LIPJ: variants seen among roughly 807,000 people sequenced by gnomAD.
The protein encoded by LIPJ is lipase member J.
LIPJ carries 33 observed loss-of-function variants against 39.8 expected under a neutral mutation model. The observed-to-expected ratio is 0.83, with a 90% CI of 0.63 to 1.11. The LOEUF (loss-of-function observed/expected upper bound fraction) is 1.11. Among genes scored for constraint, LIPJ ranks in the 50% least tolerant of loss-of-function variants. The pLI is 0.00. For synonymous variants in LIPJ, 128 were observed against 139.2 expected, an observed-to-expected ratio of 0.92 and a Z score of 0.57; for missense variants, 422 against 427.9, an observed-to-expected ratio of 0.99 and a Z score of 0.12.
the LIPJ span, among the ~76,000 whole-genome samples, chr10:88,616,402 A>G: frequency 6.6e-6 from 1 of 152,194 alleles, no homozygotes; most frequent in African/African-American, 2.4e-5. Flanking sequence ...GCCGACTGGA[A>G]TCTGAGCTCA....
Position 88,596,461 on chromosome 10 carries a change from A to C in LIPJ, c.576+45A>C, listed in dbSNP as rs773613580. On this transcript the variant is annotated intron_variant, in intron 7 of 10. Transcript: ENST00000371939. The stretch of plus-strand genomic sequence containing the variant: ...TATGTCATTGATAACCCAAAGTGAT[A>C]ATTTTATGCTTTCAAATAAGAGATC... 4.9e-6 allele frequency: 7 copies of C among 1,430,980 alleles called. No individual in the cohort carries two copies. In the African/African-American group the frequency reaches 1.0e-4, roughly 21 times the overall value. 88.6% of individuals were successfully genotyped at this position (1,430,980 alleles called of 1,614,324 possible). A position where few individuals can be genotyped will look rare whatever the true frequency, so the allele number is the denominator to read the frequency against.
At chr10:88,588,557 C>A (rs1376333826) in intron 2 of LIPJ, among the ~76,000 whole-genome samples, 1 of 151,780 alleles carries the variant, frequency 6.6e-6, no homozygotes, top group African/African-American at 2.4e-5. Flanking sequence ...TGAGCTTTTC[C>A]ATTCAGCATG....
At chr10:88,584,630 T>G (rs957820564), upstream of LIPJ, 1 of 152,220 alleles carries the variant, frequency 6.6e-6, no homozygotes, top group Non-Finnish European at 1.5e-5. Context: ...AGACAGGGTC[T>G]TGTGTCACTC....
At chr10:88,607,400 T>C (rs1393534568), downstream of LIPJ, among the ~76,000 whole-genome samples, 8 of 152,158 alleles carry the variant, frequency 5.3e-5, no homozygotes. Flanking sequence ...CTTGTGATTA[T>C]TTCAGGCAAA....
chr10:88,603,316 T>G (rs181966622), intron 9 of LIPJ, among the ~76,000 whole-genome samples: 1 of 152,166 alleles, frequency 6.6e-6, no homozygotes, highest in South Asian at 2.1e-4. Flanking sequence ...ATGCCTACTC[T>G]GAAACGCTTT....
chr10:88,587,356 CAT>C lies in LIPJ; in HGVS notation c.-135_-134del, dbSNP rs1850942468. The C allele has an allele frequency of 6.6e-6, 1 of 152,034 alleles. No homozygotes were observed. Among genetic ancestry groups the C allele is most frequent in the Non-Finnish European group, 1.5e-5 (1 of 67,950 alleles). The allele number at this position is 152,034 out of a possible 1,614,324, so 9.4% of individuals were successfully genotyped here. ...TATATGACTGACTACTTTGAAGACA[CAT>C]ATATTGGACACTTAAAATCAACAAA... is the stretch of plus-strand genomic sequence containing the variant. On this transcript the variant is annotated 5_prime_UTR_variant, in exon 2 of 11. The change abolishes the stop of an existing upstream ORF in the 5' untranslated region. Transcript: ENST00000371939.
intron 8 of LIPJ, among the ~76,000 whole-genome samples, chr10:88,598,964 T>A (rs1033595277): frequency 1.8e-4 from 26 of 145,628 alleles, no homozygotes; most frequent in African/African-American, 5.2e-4. Flanking sequence ...AATAATATAA[T>A]ATATTATATT....
intron 8 of LIPJ, among the ~76,000 whole-genome samples, chr10:88,599,005 T>C (rs1325814830): frequency 6.9e-6 from 1 of 144,062 alleles, no homozygotes; most frequent in Non-Finnish European, 1.5e-5. Context: ...TATATTATAT[T>C]ATAATAATAT....
downstream of LIPJ, chr10:88,607,054 G>A: frequency 3.9e-6 from 3 of 773,680 alleles, no homozygotes; most frequent in Non-Finnish European, 5.4e-6. Context: ...AGGCCCTCCA[G>A]TCATTAAATC....
At chr10:88,622,315 G>A in the LIPJ span, among the ~76,000 whole-genome samples, 38 of 152,050 alleles carry the variant, frequency 2.5e-4, no homozygotes, top group African/African-American at 8.4e-4. Flanking sequence ...AGATTTTACC[G>A]TGAGCACTCC....
At chr10:88,588,958 CCT>C (rs1850998551) in intron 2 of LIPJ, among the ~76,000 whole-genome samples, 1 of 151,676 alleles carries the variant, frequency 6.6e-6, no homozygotes, top group South Asian at 2.1e-4. Flanking sequence ...AAGGCTTATC[CCT>C]CTGTGTTTTC....
rs770215488 is a variant in LIPJ, at chr10:88,596,264, T to A, written c.440-16T>A. On this transcript the variant is annotated splice_polypyrimidine_tract_variant and intron_variant, in intron 6 of 10. Coordinates refer to ENST00000371939, the Ensembl canonical transcript of LIPJ. Reference sequence around the variant, plus strand: ...CTTAAGAATAGCTTACTAATTTATATCTTATTTTATTTTAGGTTTCATAAC... The same window carrying A: ...CTTAAGAATAGCTTACTAATTTATAACTTATTTTATTTTAGGTTTCATAAC... 110 of 1,309,832 alleles carry A rather than the reference T, an allele frequency of 8.4e-5. No individual in the cohort carries two copies. Among genetic ancestry groups the A allele is most frequent in the Admixed American group, 3.0e-4 (10 of 33,560 alleles). 81.1% of individuals were successfully genotyped at this position (1,309,832 alleles called of 1,614,324 possible). A position where few individuals can be genotyped will look rare whatever the true frequency, so the allele number is the denominator to read the frequency against.
chr10:88,608,662 G>A (rs1851714618), downstream of LIPJ, among the ~76,000 whole-genome samples: 1 of 152,212 alleles, frequency 6.6e-6, no homozygotes, highest in Non-Finnish European at 1.5e-5. Flanking sequence ...CAAAACAGGA[G>A]TTGAAAGGCA....
chr10:88,602,600 C>T, exon 9 of LIPJ: 2 of 991,572 alleles, frequency 2.0e-6, no homozygotes, highest in South Asian at 2.6e-5. Flanking sequence ...GTATTTTTCA[C>T]ACAACCCAGC....
At chr10:88,606,336 T>C (rs532459224) in intron 10 of LIPJ, among the ~76,000 whole-genome samples, 3 of 152,316 alleles carry the variant, frequency 2.0e-5, no homozygotes, top group East Asian at 3.9e-4. Flanking sequence ...TTATAATTTA[T>C]TGACAAACAT....
intron 2 of LIPJ, among the ~76,000 whole-genome samples, chr10:88,588,563 G>A (rs2134537760): frequency 6.6e-6 from 1 of 151,938 alleles, no homozygotes; most frequent in South Asian, 2.1e-4. Flanking sequence ...TTTCCATTCA[G>A]CATGATATGG....
chr10:88,599,688 TAC>T lies in LIPJ; in HGVS notation c.723+2774_723+2775del, dbSNP rs113053586. ...ATACATTTATATATACATACATATATACACACACACACACACACACACATATA... is the reference window on the plus strand; with the variant it reads ...ATACATTTATATATACATACATATATACACACACACACACACACACATATA... On this transcript the variant is annotated intron_variant, in intron 8 of 10. Transcript: ENST00000371939. Among the ~76,000 whole-genome samples the T allele has an allele frequency of 9.0e-3, 1,355 of 150,704 alleles. 27 individuals carry two copies. Among genetic ancestry groups the T allele is most frequent in the South Asian group, 0.083 (395 of 4,764 alleles).
intron 7 of LIPJ, 100 bp downstream of exon 7, chr10:88,596,516 G>T: frequency 1.5e-6 from 2 of 1,301,132 alleles, no homozygotes; most frequent in Non-Finnish European, 2.1e-6. Flanking sequence ...CACAAGTATG[G>T]ATTGAAATTT....
downstream of LIPJ, among the ~76,000 whole-genome samples, chr10:88,609,672 G>A (rs373649253): frequency 1.3e-5 from 2 of 152,118 alleles, no homozygotes; most frequent in Non-Finnish European, 2.9e-5. Flanking sequence ...AGGCTGAGGC[G>A]GGTGGATCAC....
Sources: gnomAD v4.1 joint callset for allele counts (sites outside exome capture counted in the v4.1 genomes callset) on GRCh38, gnomAD v4.1.1 for gene constraint, MANE v1.5 for transcripts, NCBI Gene and HGNC (gene_info 2026-07-23, HGNC 2026-07-21) for gene names.